Variants in MACROD2 observed in about 807,000 individuals in gnomAD.
MACROD2 encodes mono-ADP ribosylhydrolase 2, also known as ADP-ribose glycohydrolase MACROD2.
MACROD2 carries 36 observed loss-of-function variants against 70.4 expected under a neutral mutation model. The observed-to-expected ratio is 0.51, with a 90% confidence interval of 0.39 to 0.68. The LOEUF (loss-of-function observed/expected upper bound fraction) is 0.68. Among genes scored for constraint, MACROD2 ranks in the 30% least tolerant of loss-of-function variants. MACROD2 has a pLI of 0.00. For synonymous variants in MACROD2, 172 were observed against 178.8 expected (o/e 0.96, Z 0.30); for missense variants, 496 against 538.4 (o/e 0.92, Z 0.78).
chr20:15,697,517 A>G (rs1445140878), intron 8 of MACROD2, among the ~76,000 whole-genome samples: 1 of 152,184 alleles, frequency 6.6e-6, no homozygotes, highest in Non-Finnish European at 1.5e-5. Context: ...GTTGAATACA[A>G]TGTGTATTCT....
At chr20:15,264,736 A>G (rs553923697) in intron 6 of MACROD2, among the ~76,000 whole-genome samples, 4 of 151,664 alleles carry the variant, frequency 2.6e-5, no homozygotes, top group Non-Finnish European at 4.4e-5. Flanking sequence ...TCCTGCCACA[A>G]AGAGTTAGAG....
intron 8 of MACROD2, among the ~76,000 whole-genome samples, chr20:15,647,404 G>A (rs2049564528): frequency 6.7e-6 from 1 of 148,748 alleles, no homozygotes; most frequent in South Asian, 2.1e-4. Context: ...CATGAGACAA[G>A]AGAGGAAGTC....
chr20:15,323,093 A>G (rs200298995), intron 6 of MACROD2, among the ~76,000 whole-genome samples: 2 of 103,994 alleles, frequency 1.9e-5, no homozygotes, highest in East Asian at 5.3e-4. Context: ...ACATTCTGCC[A>G]TTCTGCAGTG....
chr20:15,827,171 A>G (rs1181714721), intron 8 of MACROD2, among the ~76,000 whole-genome samples: 2 of 152,206 alleles, frequency 1.3e-5, no homozygotes, highest in African/African-American at 2.4e-5. Context: ...TTCAAAGATA[A>G]GAAGAAAAAC....
rs183446215 is a variant in MACROD2, at chr20:15,380,794, G to C, written c.541-50611G>C. On this transcript the variant is annotated intron_variant, in intron 6 of 17. Coordinates refer to ENST00000684519, the MANE Select transcript of MACROD2 (RefSeq NM_001351661.2). Reference sequence around the variant, plus strand: ...CAAAAATTGAGAAAATATTAATAATGCAGACTAAACTTAGTGTTGTGTCAG... The same window carrying C: ...CAAAAATTGAGAAAATATTAATAATCCAGACTAAACTTAGTGTTGTGTCAG... Among the ~76,000 whole-genome samples the C allele has an allele frequency of 3.2e-4, 48 of 152,210 alleles. 1 individual carries two copies. The highest frequency in any genetic ancestry group is 2.7e-3 in the Admixed American group (41 of 15,290).
chr20:15,946,439 G>A (rs1455183936), intron 12 of MACROD2, among the ~76,000 whole-genome samples: 1 of 152,038 alleles, frequency 6.6e-6, no homozygotes, highest in African/African-American at 2.4e-5. Flanking sequence ...TGAGGGGGGT[G>A]GTGCATGCAT....
At chr20:15,976,045 G>A (rs1171718878) in intron 13 of MACROD2, among the ~76,000 whole-genome samples, 1 of 152,140 alleles carries the variant, frequency 6.6e-6, no homozygotes. Context: ...TTCAACACAA[G>A]CATCAAAGAA....
intron 3 of MACROD2, among the ~76,000 whole-genome samples, chr20:14,459,441 A>G (rs932399095): frequency 6.6e-6 from 1 of 152,012 alleles, no homozygotes; most frequent in African/African-American, 2.4e-5. Flanking sequence ...AATATTATAT[A>G]TGAACATCTG....
intron 8 of MACROD2, among the ~76,000 whole-genome samples, chr20:15,661,165 A>G (rs930799056): frequency 6.6e-6 from 1 of 152,126 alleles, no homozygotes; most frequent in Admixed American, 6.5e-5. Context: ...TGTTTGTCAC[A>G]TTAGGGGGTA....
chr20:15,173,469 T>C (rs1003969309), intron 5 of MACROD2, among the ~76,000 whole-genome samples: 2 of 152,226 alleles, frequency 1.3e-5, no homozygotes, highest in Non-Finnish European at 2.9e-5. Context: ...CTTACTCACT[T>C]TGGCAAATCG....
At chr20:14,666,912 T>TTATGTGACCTGAC (rs2070742448) in intron 4 of MACROD2, among the ~76,000 whole-genome samples, 1 of 151,612 alleles carries the variant, frequency 6.6e-6, no homozygotes, top group South Asian at 2.1e-4. Flanking sequence ...TGGGTCCACA[T>TTATGTGACCTGAC]TATGTGACCT....
At chr20:14,938,210 G>A (rs1007281956) in intron 5 of MACROD2, among the ~76,000 whole-genome samples, 5 of 151,888 alleles carry the variant, frequency 3.3e-5, no homozygotes, top group Non-Finnish European at 7.4e-5. Flanking sequence ...TATATACCCA[G>A]TATTGGAATT....
At position 14,326,684 on chromosome 20, in the gene MACROD2, G is replaced by A. The variant is rs745543415; in HGVS notation, c.272-166795G>A. The A allele has an allele frequency of 1.2e-6, 2 of 1,613,624 alleles. No individual in the cohort carries two copies. Among genetic ancestry groups the A allele is most frequent in the African/African-American group, 1.3e-5 (1 of 74,874 alleles). On this transcript the variant is annotated intron_variant, in intron 3 of 17. Coordinates refer to ENST00000684519, the MANE Select transcript of MACROD2 (RefSeq NM_001351661.2). This position sits in a 1 kb window ranked among gnomAD's most constrained non-coding sequence, Gnocchi z 5.5. ...AGGTTATTATTGGACATATCCAGTCGATAGAGCTGCCTTAGATAAGAAAAA... is the reference window on the plus strand; with the variant it reads ...AGGTTATTATTGGACATATCCAGTCAATAGAGCTGCCTTAGATAAGAAAAA...
intron 3 of MACROD2, among the ~76,000 whole-genome samples, chr20:14,196,905 T>G (rs1475820485): frequency 6.6e-6 from 1 of 152,210 alleles, no homozygotes; most frequent in Admixed American, 6.5e-5. Flanking sequence ...TCCTAGGAAA[T>G]GTACCAGTTT....
chr20:15,562,920 T>C (rs1769316380), intron 8 of MACROD2, among the ~76,000 whole-genome samples: 1 of 152,194 alleles, frequency 6.6e-6, no homozygotes. Context: ...AGAGGGAGCC[T>C]GGGATCATCT....
chr20:14,487,113 G>A (rs1420280813), intron 3 of MACROD2, among the ~76,000 whole-genome samples: 2 of 152,232 alleles, frequency 1.3e-5, no homozygotes, highest in South Asian at 2.1e-4. Flanking sequence ...CCCACAAAAC[G>A]CCAGACTTTG....
At chr20:14,499,678 T>C (rs772235091) in intron 4 of MACROD2, among the ~76,000 whole-genome samples, 2 of 152,062 alleles carry the variant, frequency 1.3e-5, no homozygotes, top group Admixed American at 6.6e-5. Flanking sequence ...GGTCTGACAA[T>C]GCTGAGTTAC....
At chr20:14,796,866 C>A (rs1411002190) in intron 5 of MACROD2, among the ~76,000 whole-genome samples, 1 of 151,882 alleles carries the variant, frequency 6.6e-6, no homozygotes, top group Non-Finnish European at 1.5e-5. Flanking sequence ...CCCAACAAAC[C>A]CCAGACTGAT....
chr20:14,371,817 C>A (rs1240773840), intron 3 of MACROD2, among the ~76,000 whole-genome samples: 1 of 151,836 alleles, frequency 6.6e-6, no homozygotes, highest in Non-Finnish European at 1.5e-5. Flanking sequence ...TTGCTCTTTT[C>A]TTTTCTTTTC....
Sources: gnomAD v4.1 joint callset for allele counts (sites outside exome capture counted in the v4.1 genomes callset) on GRCh38, gnomAD v4.1.1 for gene constraint, Gnocchi (gnomAD v3.1) non-coding constraint, MANE v1.5 for transcripts, NCBI Gene and HGNC (gene_info 2026-07-23, HGNC 2026-07-21) for gene names.